Variants in SLC25A21 observed in about 807,000 individuals in gnomAD.
SLC25A21 encodes the protein mitochondrial 2-oxodicarboxylate carrier.
SLC25A21 carries 47 observed loss-of-function variants against 43.8 expected under a neutral mutation model. The observed-to-expected ratio is 1.07, with a 90% CI of 0.85 to 1.37. SLC25A21 has a LOEUF of 1.37. Ranked by LOEUF, SLC25A21 falls within the 40% of genes most tolerant of loss-of-function variation. The pLI is 0.00. For missense variants in SLC25A21, 352 were observed against 350.2 expected (o/e 1.00, Z -0.04); for synonymous variants, 131 against 121.3 (o/e 1.08, Z -0.52).
At chr14:37,131,362 G>T (rs2038309) in intron 1 of SLC25A21, among the ~76,000 whole-genome samples, 137,537 of 152,234 alleles carry the variant, frequency 0.9, 62,782 homozygotes, top group East Asian at 1. Context: ...GAACATTCTG[G>T]TGTGGCATTA....
In SLC25A21 at chr14:37,105,291, G is replaced by T. The variant is rs542904943; in HGVS notation, c.70+66990C>A. ...AGCATAAGAAAGTGTTAGATTTGAA[G>T]TCACTGATACACCAAATAAAACAGA... On this transcript the variant is annotated intron_variant, in intron 1 of 9. Coordinates refer to ENST00000331299, the MANE Select transcript of SLC25A21 (RefSeq NM_030631.4). Among the ~76,000 whole-genome samples, 48 of 152,320 alleles carry T rather than the reference G, an allele frequency of 3.2e-4. 1 individual carries two copies. The highest frequency in any genetic ancestry group is 1.1e-3 in the African/African-American group (44 of 41,586).
chr14:36,908,047 A>G, intron 1 of SLC25A21, among the ~76,000 whole-genome samples: 1 of 152,156 alleles, frequency 6.6e-6, no homozygotes. Context: ...AGAACAGACA[A>G]AGAGTGAATT....
intron 1 of SLC25A21, among the ~76,000 whole-genome samples, chr14:37,079,921 C>T (rs1344050425): frequency 6.6e-6 from 1 of 152,138 alleles, no homozygotes; most frequent in Non-Finnish European, 1.5e-5. Flanking sequence ...AGGGTGGAGC[C>T]TCATGAATGG....
chr14:37,089,503 T>A (rs1594787182), intron 1 of SLC25A21, among the ~76,000 whole-genome samples: 1 of 152,226 alleles, frequency 6.6e-6, no homozygotes, highest in African/African-American at 2.4e-5. Flanking sequence ...GAACTCACAC[T>A]ACTATATGAA....
chr14:36,976,347 A>G (rs779643537), intron 1 of SLC25A21, among the ~76,000 whole-genome samples: 2 of 152,116 alleles, frequency 1.3e-5, no homozygotes, highest in African/African-American at 4.8e-5. Flanking sequence ...TTGTCTGTGG[A>G]CCTGAGTAAT....
chr14:36,967,962 A>T (rs1399511263), intron 1 of SLC25A21, among the ~76,000 whole-genome samples: 1 of 152,216 alleles, frequency 6.6e-6, no homozygotes, highest in Non-Finnish European at 1.5e-5. Flanking sequence ...CCGTCCTATA[A>T]GCACCTCAAC....
chr14:36,827,865 T>C (rs1461285733), intron 2 of SLC25A21, among the ~76,000 whole-genome samples: 4 of 152,204 alleles, frequency 2.6e-5, no homozygotes, highest in Admixed American at 6.5e-5. Flanking sequence ...AAGTATACAG[T>C]TGAAGATACC....
chr14:36,878,773 T>C (rs1044998068), intron 1 of SLC25A21, among the ~76,000 whole-genome samples: 1 of 152,156 alleles, frequency 6.6e-6, no homozygotes, highest in African/African-American at 2.4e-5. Flanking sequence ...TCCATCCTAA[T>C]TGCGATTTTA....
intron 3 of SLC25A21, among the ~76,000 whole-genome samples, chr14:36,764,087 G>GAGA (rs1486638478): frequency 3.8e-5 from 1 of 26,038 alleles, no homozygotes; most frequent in African/African-American, 1.4e-4. Flanking sequence ...AAAGAAGGAA[G>GAGA]GAAGGAAGGA....
At chr14:36,961,781 T>G (rs1317057304) in intron 1 of SLC25A21, among the ~76,000 whole-genome samples, 1 of 152,188 alleles carries the variant, frequency 6.6e-6, no homozygotes, top group African/African-American at 2.4e-5. Context: ...CACATGAAAG[T>G]AGAGAGGCAT....
At chr14:36,698,244 C>T (rs151019575) in intron 7 of SLC25A21, among the ~76,000 whole-genome samples, 15 of 152,258 alleles carry the variant, frequency 9.9e-5, no homozygotes, top group African/African-American at 3.6e-4. Context: ...TATTGGCTCC[C>T]ACTCTCTTCT....
At chr14:36,931,809 A>T (rs1594701384) in intron 1 of SLC25A21, among the ~76,000 whole-genome samples, 1 of 152,154 alleles carries the variant, frequency 6.6e-6, no homozygotes, top group East Asian at 1.9e-4. Context: ...GCCAACTAGG[A>T]GGTGTCTCAG....
chr14:36,993,903 C>A (rs550560124), intron 1 of SLC25A21, among the ~76,000 whole-genome samples: 20 of 152,088 alleles, frequency 1.3e-4, no homozygotes, highest in Non-Finnish European at 2.6e-4. Flanking sequence ...GCAACAACAA[C>A]AACAAAATAA....
intron 1 of SLC25A21, among the ~76,000 whole-genome samples, chr14:36,943,501 GT>G: frequency 6.6e-6 from 1 of 152,124 alleles, no homozygotes; most frequent in Non-Finnish European, 1.5e-5. Context: ...CCCTAGGCTT[GT>G]TTTGTATCAT....
intron 3 of SLC25A21, among the ~76,000 whole-genome samples, chr14:36,753,403 G>C (rs1885789491): frequency 6.6e-6 from 1 of 152,028 alleles, no homozygotes; most frequent in African/African-American, 2.4e-5. Flanking sequence ...GTGTTTAGAA[G>C]AGGTATAATC....
chr14:37,085,055 T>C (rs1962458305), intron 1 of SLC25A21, among the ~76,000 whole-genome samples: 1 of 152,206 alleles, frequency 6.6e-6, no homozygotes, highest in Non-Finnish European at 1.5e-5. Flanking sequence ...TTCTTCTTCT[T>C]GCATGATTAT....
chr14:37,076,798 T>C (rs1962290840), intron 1 of SLC25A21, among the ~76,000 whole-genome samples: 2 of 152,190 alleles, frequency 1.3e-5, no homozygotes, highest in South Asian at 4.1e-4. Flanking sequence ...TAAGACTTCT[T>C]AATGTTTAAT....
chr14:36,966,865 C>T (rs1041929365), intron 1 of SLC25A21, among the ~76,000 whole-genome samples: 2 of 152,110 alleles, frequency 1.3e-5, no homozygotes, highest in African/African-American at 4.8e-5. Context: ...CATTTAGCAG[C>T]CCCCGAAGGG....
chr14:36,881,270 G>A (rs962147592), intron 1 of SLC25A21, among the ~76,000 whole-genome samples: 5 of 152,060 alleles, frequency 3.3e-5, no homozygotes, highest in East Asian at 3.9e-4. Flanking sequence ...TGTGGCCTGC[G>A]TATTCTTTAT....
Sources: gnomAD v4.1 joint callset for allele counts (sites outside exome capture counted in the v4.1 genomes callset) on GRCh38, gnomAD v4.1.1 for gene constraint, MANE v1.5 for transcripts, NCBI Gene and HGNC (gene_info 2026-07-23, HGNC 2026-07-21) for gene names.